Variants in IL34 observed in about 807,000 individuals in gnomAD.
IL34 encodes the protein interleukin-34.
In IL34, 17 loss-of-function variants were observed where a neutral mutation model predicts 25.3. That is an observed-to-expected ratio of 0.67 (90% CI 0.46 to 1.01). The LOEUF (loss-of-function observed/expected upper bound fraction) is 1.01, where lower values mean the gene tolerates loss of function less well. IL34 is among the 50% of genes least tolerant of loss of function. The pLI is 0.00. For missense variants in IL34, 368 were observed against 312.9 expected, an observed-to-expected ratio of 1.18 and a Z score of -1.33; for synonymous variants, 174 against 140.9, an observed-to-expected ratio of 1.23 and a Z score of -1.66.
At chr16:70,635,938 G>T (rs889758463) in intron 1 of IL34, among the ~76,000 whole-genome samples, 13 of 152,002 alleles carry the variant, frequency 8.6e-5, no homozygotes, top group Admixed American at 3.3e-4. Flanking sequence ...TTTACAGATG[G>T]GGAGGCTGAG....
At chr16:70,623,317 G>A (rs2051319799) in intron 1 of IL34, among the ~76,000 whole-genome samples, 1 of 152,068 alleles carries the variant, frequency 6.6e-6, no homozygotes, top group African/African-American at 2.4e-5. Flanking sequence ...GGGAGGTATG[G>A]AGGATAGGAG....
At chr16:70,585,197 A>G (rs1203974965) in intron 1 of IL34, among the ~76,000 whole-genome samples, 3 of 152,148 alleles carry the variant, frequency 2.0e-5, no homozygotes, top group Non-Finnish European at 4.4e-5. Flanking sequence ...TGTAAGTGGA[A>G]TCATAATCAT....
chr16:70,624,179 G>A (rs978681081), intron 1 of IL34, among the ~76,000 whole-genome samples: 21 of 151,984 alleles, frequency 1.4e-4, no homozygotes, highest in Admixed American at 6.5e-5. Flanking sequence ...GATGGGACGC[G>A]GCTTAGGAGG....
At chr16:70,622,867 C>T (rs1326914428) in intron 1 of IL34, among the ~76,000 whole-genome samples, 1 of 152,014 alleles carries the variant, frequency 6.6e-6, no homozygotes, top group Admixed American at 6.6e-5. Flanking sequence ...AGTATTAATG[C>T]AGCGGCACCC....
chr16:70,658,396 C>T (rs1324197833), intron 4 of IL34, among the ~76,000 whole-genome samples: 6 of 151,614 alleles, frequency 4.0e-5, no homozygotes, highest in Non-Finnish European at 7.4e-5. Flanking sequence ...GGTCTTGAAC[C>T]CCTGGCCTCA....
At chr16:70,621,189 C>A (rs1200329381) in intron 1 of IL34, among the ~76,000 whole-genome samples, 2 of 152,094 alleles carry the variant, frequency 1.3e-5, no homozygotes, top group African/African-American at 4.8e-5. Context: ...GTTGAAGGAC[C>A]AAGGCAGGCG....
Position 70,607,988 on chromosome 16 carries a change from G to A in IL34, c.-401+27939G>A, listed in dbSNP as rs182513748. On this transcript the variant is annotated intron_variant, in intron 1 of 6. Transcript: ENST00000429149. ...TTGCCATGTTGGCCAGGCTGGTCCC[G>A]AACTCCTGACCTTAGGTGATCTGCC... Among the ~76,000 whole-genome samples, 362 of 152,026 alleles carry A rather than the reference G, an allele frequency of 2.4e-3. 3 individuals are homozygous for A. Among genetic ancestry groups the A allele is most frequent in the African/African-American group, 8.1e-3 (338 of 41,492 alleles).
At chr16:70,644,583 T>C (rs971165496), upstream of IL34, among the ~76,000 whole-genome samples, 1 of 151,922 alleles carries the variant, frequency 6.6e-6, no homozygotes, top group Non-Finnish European at 1.5e-5. Flanking sequence ...ATGTAGTATA[T>C]GTAAATTAGC....
chr16:70,644,804 AATGAAAAGG>A (rs2051872026), upstream of IL34, among the ~76,000 whole-genome samples: 1 of 127,354 alleles, frequency 7.9e-6, no homozygotes, highest in Non-Finnish European at 1.6e-5. Context: ...AGGGAGGAGG[AATGAAAAGG>A]AGGAAGGGAG....
chr16:70,635,314 T>A (rs1597764059), intron 1 of IL34, among the ~76,000 whole-genome samples: 1 of 152,026 alleles, frequency 6.6e-6, no homozygotes, highest in South Asian at 2.1e-4. Flanking sequence ...TCTGCAGAGG[T>A]TTCCATCACA....
chr16:70,608,455 T>A (rs942675344), intron 1 of IL34, among the ~76,000 whole-genome samples: 1 of 152,194 alleles, frequency 6.6e-6, no homozygotes, highest in African/African-American at 2.4e-5. Context: ...AACTAATTTT[T>A]CGTTCCTGAA....
chr16:70,619,582 C>A (rs928736938), intron 1 of IL34, among the ~76,000 whole-genome samples: 1 of 151,378 alleles, frequency 6.6e-6, no homozygotes, highest in African/African-American at 2.4e-5. Flanking sequence ...GGGAAACAGG[C>A]CCTTGAAAAG....
exon 1 of IL34, chr16:70,579,957 A>C (rs1253751374): frequency 6.6e-6 from 1 of 152,602 alleles, no homozygotes; most frequent in Non-Finnish European, 1.5e-5. Flanking sequence ...CCTGGCACCC[A>C]CTGCCCGTGG....
intron 1 of IL34, among the ~76,000 whole-genome samples, chr16:70,637,607 A>G (rs1196459213): frequency 6.6e-6 from 1 of 152,126 alleles, no homozygotes; most frequent in Admixed American, 6.6e-5. Flanking sequence ...GACCTCCCAA[A>G]ATGCTGGGAT....
intron 1 of IL34, among the ~76,000 whole-genome samples, chr16:70,607,507 G>A (rs2051025476): frequency 6.6e-6 from 1 of 152,168 alleles, no homozygotes; most frequent in Non-Finnish European, 1.5e-5. Flanking sequence ...GATTGCACTG[G>A]CTGGAATCTC....
intron 1 of IL34, among the ~76,000 whole-genome samples, chr16:70,611,810 C>T (rs1377587982): frequency 6.6e-6 from 1 of 152,122 alleles, no homozygotes; most frequent in Non-Finnish European, 1.5e-5. Context: ...CACCACTGCA[C>T]TGCAGCCTGG....
At chr16:70,580,438 A>G (rs1233461956) in intron 1 of IL34, among the ~76,000 whole-genome samples, 1 of 152,232 alleles carries the variant, frequency 6.6e-6, no homozygotes, top group Non-Finnish European at 1.5e-5. Flanking sequence ...TTGGACCTTA[A>G]TGTACTGTGT....
At chr16:70,639,030 C>T (rs866431510) in intron 1 of IL34, among the ~76,000 whole-genome samples, 6 of 152,082 alleles carry the variant, frequency 3.9e-5, no homozygotes, top group Non-Finnish European at 8.8e-5. Flanking sequence ...AAGGCGTTGC[C>T]CTGTTTTGGT....
chr16:70,603,799 C>T (rs1406156923), intron 1 of IL34, among the ~76,000 whole-genome samples: 3 of 152,142 alleles, frequency 2.0e-5, no homozygotes, highest in Non-Finnish European at 2.9e-5. Context: ...CCAGGCTGGT[C>T]TTGAACTCCT....
Sources: allele counts gnomAD v4.1 joint callset (sites outside exome capture counted in the v4.1 genomes callset), GRCh38; gene constraint gnomAD v4.1.1; transcripts MANE v1.5; gene names NCBI Gene and HGNC (gene_info 2026-07-23, HGNC 2026-07-21).